TXNRD1: variants seen among roughly 807,000 people sequenced by gnomAD.
TXNRD1 encodes the protein thioredoxin reductase 1, cytoplasmic.
A neutral mutation model predicts 80.3 loss-of-function variants in TXNRD1; 57 were observed. That is an observed-to-expected ratio of 0.71 (90% confidence interval 0.57 to 0.89). TXNRD1 has a LOEUF of 0.89. TXNRD1 is among the 40% of genes least tolerant of loss of function. The pLI, the probability that TXNRD1 is intolerant of heterozygous loss-of-function variation, is 0.00. For missense variants in TXNRD1, 730 were observed against 803.0 expected, an observed-to-expected ratio of 0.91 and a Z score of 1.10; for synonymous variants, 291 against 285.2, an observed-to-expected ratio of 1.02 and a Z score of -0.20.
chr12:104,317,365 CTTT>C (rs68031758), intron 7 of TXNRD1, among the ~76,000 whole-genome samples: 136 of 116,286 alleles, frequency 1.2e-3, no homozygotes, highest in African/African-American at 2.4e-3. Flanking sequence ...TCTGCAGTTA[CTTT>C]TTTTTTTTTT....
intron 1 of TXNRD1, among the ~76,000 whole-genome samples, chr12:104,240,985 C>T (rs57416848): frequency 0.068 from 10,255 of 151,644 alleles, 450 homozygotes; most frequent in African/African-American, 0.11. Flanking sequence ...TCGTGATCCG[C>T]CCGCCTCGGC....
intron 3 of TXNRD1, among the ~76,000 whole-genome samples, chr12:104,260,487 AAC>A (rs1268410255): frequency 1.5e-5 from 2 of 132,596 alleles, no homozygotes; most frequent in Non-Finnish European, 3.3e-5. Context: ...ACAAAAAAAA[AAC>A]ACAAAAAACA....
chr12:104,298,808 G>GT (rs11372608), intron 4 of TXNRD1, among the ~76,000 whole-genome samples: 50,418 of 148,528 alleles, frequency 0.34, 8,563 homozygotes, highest in African/African-American at 0.41. Context: ...TTTGTATACA[G>GT]TTTTTTTTTT....
At position 104,289,039 on chromosome 12, in the gene TXNRD1, A is replaced by C. The variant is rs2034081730; in HGVS notation, c.413A>C (p.Lys138Thr). ...RKIGGHGPTL[K>T]AYQEGRLQKL... ...ATAGGCGGCCATGGTCCAACCTTGA[A>C]GGTAGGAGAGAGTAACGTATCTTTT... is the stretch of plus-strand genomic sequence containing the variant. Residue 138 changes from lysine to threonine, a missense_variant and splice_region_variant, in exon 4 of 17, where the codon AAG (lysine) becomes ACG (threonine). Lys to Thr is a moderately conservative substitution (Grantham distance 78). Coordinates refer to ENST00000525566, the MANE Select transcript of TXNRD1 (RefSeq NM_001093771.3). 1 of 1,612,838 alleles carries C rather than the reference A, an allele frequency of 6.2e-7. No individual in the cohort carries two copies. The highest frequency in any genetic ancestry group is 1.3e-5 in the African/African-American group (1 of 75,002).
chr12:104,289,011 AAGAT>A lies in TXNRD1; in HGVS notation c.388_391del (p.Ile130AlafsTer7), dbSNP rs1195464477. 6.2e-7 allele frequency: 1 copy of A among 1,614,044 alleles called. No homozygotes were observed. Among genetic ancestry groups the A allele is most frequent in the Non-Finnish European group, 8.5e-7 (1 of 1,179,890 alleles). ...GCCCGTTGTGTTTGTGAAACAGAGA[AAGAT>A]AGGCGGCCATGGTCCAACCTTGAAG... On this transcript the variant is annotated frameshift_variant, in exon 4 of 17. Coordinates refer to ENST00000525566, the MANE Select transcript of TXNRD1 (RefSeq NM_001093771.3). LOFTEE classifies it high-confidence loss of function.
intron 1 of TXNRD1, among the ~76,000 whole-genome samples, chr12:104,219,118 A>AT (rs1460082186): frequency 6.6e-6 from 1 of 151,768 alleles, no homozygotes; most frequent in African/African-American, 2.4e-5. Flanking sequence ...TCAATTTTAA[A>AT]TTTTTTGTAG....
At chr12:104,287,118 T>C in intron 3 of TXNRD1, 1 of 1,486,434 alleles carries the variant, frequency 6.7e-7, no homozygotes, top group Non-Finnish European at 8.9e-7. Flanking sequence ...TTGTAAGCTC[T>C]GCGTCGGGTG....
intron 14 of TXNRD1, 94 bp downstream of exon 14, chr12:104,331,735 C>A: frequency 1.3e-6 from 1 of 777,966 alleles, no homozygotes; most frequent in Non-Finnish European, 2.1e-6. Context: ...TAGTACAAAG[C>A]ATTTTCATAT....
chr12:104,245,547 A>AAAAAC (rs2032963679), intron 1 of TXNRD1, among the ~76,000 whole-genome samples: 1 of 134,112 alleles, frequency 7.5e-6, no homozygotes, highest in Non-Finnish European at 1.6e-5. Flanking sequence ...AAAAAAGAAT[A>AAAAAC]CTGAGTTAAA....
At chr12:104,335,887 C>T (rs912116480) in intron 15 of TXNRD1, among the ~76,000 whole-genome samples, 13 of 151,970 alleles carry the variant, frequency 8.6e-5, no homozygotes, top group Non-Finnish European at 1.3e-4. Flanking sequence ...TTGGTAAAAC[C>T]AAGGGTTTTA....
intron 1 of TXNRD1, among the ~76,000 whole-genome samples, chr12:104,240,261 A>G (rs903537600): frequency 6.6e-6 from 1 of 152,180 alleles, no homozygotes; most frequent in African/African-American, 2.4e-5. Context: ...TCTAAGTACC[A>G]TTGTTTTCTG....
At chr12:104,285,139 A>T (rs1283361015) in intron 3 of TXNRD1, among the ~76,000 whole-genome samples, 1 of 152,146 alleles carries the variant, frequency 6.6e-6, no homozygotes, top group Non-Finnish European at 1.5e-5. Flanking sequence ...GCGCCACTGC[A>T]CTCCAGCCAG....
intron 1 of TXNRD1, among the ~76,000 whole-genome samples, chr12:104,217,524 G>A (rs1032013753): frequency 6.6e-6 from 1 of 151,946 alleles, no homozygotes; most frequent in Admixed American, 6.6e-5. Context: ...TGGTCAGGCT[G>A]GTCTTGAACT....
chr12:104,224,887 G>A lies in TXNRD1; in HGVS notation c.91+8994G>A, dbSNP rs373610347. 20 of 456,570 alleles carry A rather than the reference G, an allele frequency of 4.4e-5. 1 individual carries two copies. The highest frequency in any genetic ancestry group is 2.6e-4 in the South Asian group (17 of 64,552). The allele number at this position is 456,570 out of a possible 1,614,324, so 28.3% of individuals were successfully genotyped here. The stretch of plus-strand genomic sequence containing the variant: ...CTGACTCACTGGAATCCTACAAATG[G>A]GACATCTCAGGCAGGTAAAATTGCC... On this transcript the variant is annotated intron_variant, in intron 1 of 16. Coordinates refer to ENST00000525566, the MANE Select transcript of TXNRD1 (RefSeq NM_001093771.3).
At position 104,215,808 on chromosome 12, in the gene TXNRD1, C is replaced by G. The variant is rs760813288; in HGVS notation, c.6C>G (p.Gly2=). M[G]CAEGKAVAAA... Reference sequence around the variant, plus strand: ...CCCACAGGGCCTTGTGCGACATGGGCTGCGCCGAGGGCAAGGCAGTGGCGG... The same window carrying G: ...CCCACAGGGCCTTGTGCGACATGGGGTGCGCCGAGGGCAAGGCAGTGGCGG... The change falls in exon 1 of 17, where the codon GGC becomes GGG. Residue 2 remains glycine (G), a synonymous_variant. Transcript: ENST00000525566. 1 of 1,560,056 alleles carries G rather than the reference C, an allele frequency of 6.4e-7. No individual in the cohort carries two copies. The highest frequency in any genetic ancestry group is 8.7e-7 in the Non-Finnish European group (1 of 1,152,518).
At chr12:104,311,194 CT>C in intron 4 of TXNRD1, 95 bp from the exon 5 acceptor site, 1 of 1,358,542 alleles carries the variant, frequency 7.4e-7, no homozygotes, top group Non-Finnish European at 9.8e-7. Context: ...TTGAAAATTC[CT>C]TTTGTTTTTC....
intron 16 of TXNRD1, among the ~76,000 whole-genome samples, chr12:104,343,381 A>G (rs1453142605): frequency 1.3e-5 from 2 of 152,192 alleles, no homozygotes; most frequent in Non-Finnish European, 1.5e-5. Flanking sequence ...AATGGAAATG[A>G]TTCTTGGTAG....
chr12:104,347,178 G>T (rs1355135757), intron 16 of TXNRD1, among the ~76,000 whole-genome samples: 1 of 147,912 alleles, frequency 6.8e-6, no homozygotes, highest in Non-Finnish European at 1.5e-5. Flanking sequence ...TTCTTATAAT[G>T]ATTTTTTTTT....
chr12:104,343,122 T>C (rs2036380033), intron 16 of TXNRD1, among the ~76,000 whole-genome samples: 1 of 152,184 alleles, frequency 6.6e-6, no homozygotes, highest in Admixed American at 6.5e-5. Context: ...GTGTGCTGGG[T>C]ACTGTGTCCC....
Sources: gnomAD v4.1 joint callset for allele counts (sites outside exome capture counted in the v4.1 genomes callset) on GRCh38, gnomAD v4.1.1 for gene constraint, MANE v1.5 for transcripts, NCBI Gene and HGNC (gene_info 2026-07-23, HGNC 2026-07-21) for gene names.